Variants in TAMM41 observed in about 807,000 individuals in gnomAD.
TAMM41 encodes the protein TAM41 mitochondrial translocator assembly and maintenance homolog, also known as phosphatidate cytidylyltransferase, mitochondrial.
A neutral mutation model predicts 44.1 loss-of-function variants in TAMM41; 36 were observed. That is an observed-to-expected ratio of 0.82 (90% CI 0.63 to 1.08). TAMM41 has a LOEUF of 1.08. TAMM41 is among the 50% of genes least tolerant of loss of function. The pLI is 0.00. For missense variants in TAMM41, 417 were observed against 404.3 expected, an observed-to-expected ratio of 1.03 and a Z score of -0.27; for synonymous variants, 164 against 153.1, an observed-to-expected ratio of 1.07 and a Z score of -0.53.
At chr3:11,767,179 G>A in the TAMM41 span, among the ~76,000 whole-genome samples, 3 of 151,562 alleles carry the variant, frequency 2.0e-5, no homozygotes, top group East Asian at 5.9e-4. Context: ...AGCAATTCTC[G>A]TGCCTCAGCC....
the TAMM41 span, among the ~76,000 whole-genome samples, chr3:11,757,396 TC>T: frequency 6.6e-6 from 1 of 152,012 alleles, no homozygotes; most frequent in Non-Finnish European, 1.5e-5. Flanking sequence ...GGCGGCCGTC[TC>T]CCCAGGAAAG....
chr3:11,810,009 C>G (rs934231836), intron 5 of TAMM41: 1 of 216,890 alleles, frequency 4.6e-6, no homozygotes. Context: ...GGAAGTGGTG[C>G]TGCAGTTGAC....
At chr3:11,846,362 G>C in intron 1 of TAMM41, 140 bp downstream of exon 1, 1 of 988,272 alleles carries the variant, frequency 1.0e-6, no homozygotes, top group Non-Finnish European at 1.5e-6. Flanking sequence ...TACTAGGAAG[G>C]CAGGCCTATG....
At chr3:11,755,819 G>A in the TAMM41 span, among the ~76,000 whole-genome samples, 59 of 152,130 alleles carry the variant, frequency 3.9e-4, no homozygotes, top group Non-Finnish European at 7.2e-4. Context: ...GTCCACACAT[G>A]CCATGCTGTT....
At chr3:11,748,745 T>C in the TAMM41 span, among the ~76,000 whole-genome samples, 1 of 152,150 alleles carries the variant, frequency 6.6e-6, no homozygotes, top group South Asian at 2.1e-4. Flanking sequence ...AACTGACATT[T>C]TTGAGAGCTT....
downstream of TAMM41, among the ~76,000 whole-genome samples, chr3:11,787,828 G>A (rs865954585): frequency 2.0e-5 from 3 of 152,200 alleles, no homozygotes; most frequent in South Asian, 6.2e-4. Context: ...TGACACCAAA[G>A]TACATTTATT....
chr3:11,831,476 G>A (rs1575694845), intron 3 of TAMM41, among the ~76,000 whole-genome samples: 2 of 152,042 alleles, frequency 1.3e-5, no homozygotes, highest in Non-Finnish European at 2.9e-5. Context: ...CCCTTAATAA[G>A]GACTCTCATA....
chr3:11,746,682 T>C, the TAMM41 span, among the ~76,000 whole-genome samples: 1 of 152,188 alleles, frequency 6.6e-6, no homozygotes, highest in Non-Finnish European at 1.5e-5. Flanking sequence ...AGAGTCTCTC[T>C]CTATTGCTCA....
In TAMM41 at chr3:11,809,285, G is replaced by C. The variant is rs2078014988; in HGVS notation, c.874+232C>G. Reference sequence around the variant, plus strand: ...CAAAAGAAACATTGTTTCTCCCTTTGACAGTGATTTAGGATCCAGGAATTT... The same window carrying C: ...CAAAAGAAACATTGTTTCTCCCTTTCACAGTGATTTAGGATCCAGGAATTT... On this transcript the variant is annotated intron_variant, in intron 6 of 7. Coordinates refer to ENST00000455809, the MANE Select transcript of TAMM41 (RefSeq NM_001284401.2). 4 of 536,398 alleles carry C rather than the reference G, an allele frequency of 7.5e-6. No homozygotes were observed. The East Asian group carries it at 1.4e-4, about 19-fold the overall frequency. The allele number at this position is 536,398 out of a possible 1,614,324, so 33.2% of individuals were successfully genotyped here.
intron 4 of TAMM41, among the ~76,000 whole-genome samples, chr3:11,817,956 C>T (rs79153593): frequency 0.12 from 17,906 of 152,160 alleles, 2,251 homozygotes; most frequent in East Asian, 0.48. Flanking sequence ...AGCTGAAAAA[C>T]ACCTAATTCT....
At chr3:11,829,994 C>G in intron 3 of TAMM41, 130 bp from the exon 4 acceptor site, 1 of 852,418 alleles carries the variant, frequency 1.2e-6, no homozygotes, top group Non-Finnish European at 1.8e-6. Context: ...GTTCAGGTGA[C>G]ACAAAATTGT....
rs1447495140 is a variant in TAMM41, at chr3:11,823,831, T to TTTG, written c.562+5882_562+5883insCAA. Among the ~76,000 whole-genome samples, 3 of 145,054 alleles carry TTTG rather than the reference T, an allele frequency of 2.1e-5. No homozygotes were observed. The East Asian group carries it at 6.2e-4, about 30-fold the overall frequency. ...CAGGTGTGTACCACCATGCCCGGCT[T>TTTG]TTTTTTTTTTTTTGAGACAGAGTCT... is the stretch of plus-strand genomic sequence containing the variant. On this transcript the variant is annotated intron_variant, in intron 4 of 7. Coordinates refer to ENST00000455809, the MANE Select transcript of TAMM41 (RefSeq NM_001284401.2).
chr3:11,838,410 G>T (rs1354968648), intron 3 of TAMM41, among the ~76,000 whole-genome samples: 1 of 152,112 alleles, frequency 6.6e-6, no homozygotes, highest in East Asian at 1.9e-4. Context: ...TAGAGACGGG[G>T]TTTCACCACT....
chr3:11,803,203 C>T (rs1236379976), intron 7 of TAMM41, among the ~76,000 whole-genome samples: 1 of 152,140 alleles, frequency 6.6e-6, no homozygotes, highest in African/African-American at 2.4e-5. Context: ...ACCCAGGAGG[C>T]AGAGGTTGCT....
intron 3 of TAMM41, among the ~76,000 whole-genome samples, chr3:11,834,444 C>T (rs2079097122): frequency 6.6e-6 from 1 of 151,986 alleles, no homozygotes; most frequent in Non-Finnish European, 1.5e-5. Context: ...AAGGAAATAA[C>T]TATTAATTAT....
At chr3:11,842,386 C>T (rs1306697911) in intron 2 of TAMM41, among the ~76,000 whole-genome samples, 1 of 75,556 alleles carries the variant, frequency 1.3e-5, no homozygotes, top group African/African-American at 5.0e-5. Context: ...AAGAACAAAA[C>T]TCCATCTCAA....
the TAMM41 span, among the ~76,000 whole-genome samples, chr3:11,740,715 G>A: frequency 1.8e-3 from 269 of 151,870 alleles, 5 homozygotes; most frequent in East Asian, 0.047. Flanking sequence ...AGGGGCGCCC[G>A]CCACCGCGCC....
At chr3:11,792,442 T>G (rs1177123986) in intron 7 of TAMM41, among the ~76,000 whole-genome samples, 1 of 152,160 alleles carries the variant, frequency 6.6e-6, no homozygotes, top group Non-Finnish European at 1.5e-5. Flanking sequence ...GTCCACAGAT[T>G]AAGTCTGAGT....
intron 7 of TAMM41, chr3:11,807,437 A>C: frequency 6.5e-7 from 1 of 1,528,302 alleles, no homozygotes; most frequent in Non-Finnish European, 8.7e-7. Context: ...TGGCAGTAAC[A>C]ACAAAAATAA....
Sources: gnomAD v4.1 joint callset for allele counts (sites outside exome capture counted in the v4.1 genomes callset) on GRCh38, gnomAD v4.1.1 for gene constraint, MANE v1.5 for transcripts, NCBI Gene and HGNC (gene_info 2026-07-23, HGNC 2026-07-21) for gene names.